GRIN2A: variants seen among roughly 807,000 people sequenced by gnomAD.
The protein encoded by GRIN2A is glutamate receptor ionotropic, NMDA 2A.
In GRIN2A, 22 loss-of-function variants were observed where a neutral mutation model predicts 113.4. The observed-to-expected ratio is 0.19, with a 90% CI of 0.14 to 0.28. GRIN2A has a LOEUF of 0.28. GRIN2A is among the 10% of genes least tolerant of loss of function. GRIN2A has a pLI of 1.00. For missense variants in GRIN2A, 1,502 were observed against 1,887.0 expected (o/e 0.80, Z 3.78); for synonymous variants, 827 against 738.4 (o/e 1.12, Z -1.94).
chr16:10,110,543 C>T (rs1404860466), intron 2 of GRIN2A, among the ~76,000 whole-genome samples: 3 of 152,122 alleles, frequency 2.0e-5, no homozygotes, highest in South Asian at 2.1e-4. Flanking sequence ...GGAGTGATGG[C>T]GCCAGCCAGG....
At chr16:9,865,731 G>A (rs1166012447) in intron 4 of GRIN2A, among the ~76,000 whole-genome samples, 1 of 152,070 alleles carries the variant, frequency 6.6e-6, no homozygotes, top group Non-Finnish European at 1.5e-5. Context: ...TCTCACACTG[G>A]TAACACAGCA....
intron 11 of GRIN2A, among the ~76,000 whole-genome samples, chr16:9,771,706 T>A (rs1901284949): frequency 1.3e-5 from 2 of 152,148 alleles, no homozygotes; most frequent in African/African-American, 4.8e-5. Flanking sequence ...CCCATGGGAC[T>A]CCCAAGAACA....
chr16:10,158,012 A>T (rs2049736484), intron 2 of GRIN2A, among the ~76,000 whole-genome samples: 1 of 151,698 alleles, frequency 6.6e-6, no homozygotes, highest in African/African-American at 2.4e-5. Flanking sequence ...TTATTTATTT[A>T]TTTATTTTTT....
intron 2 of GRIN2A, chr16:10,121,307 C>T (rs1078696): frequency 0.84 from 128,352 of 152,178 alleles, 54,934 homozygotes; most frequent in East Asian, 0.92. Flanking sequence ...CCCCTGGAAA[C>T]ACTGGGGGAA....
At chr16:9,838,122 T>C (rs1281770174) in intron 7 of GRIN2A, among the ~76,000 whole-genome samples, 1 of 152,172 alleles carries the variant, frequency 6.6e-6, no homozygotes, top group Non-Finnish European at 1.5e-5. Context: ...GGCTTGGAGT[T>C]GGTGTCCACA....
At chr16:9,765,924 C>T (rs1358700621) in intron 12 of GRIN2A, among the ~76,000 whole-genome samples, 1 of 152,174 alleles carries the variant, frequency 6.6e-6, no homozygotes, top group East Asian at 1.9e-4. Flanking sequence ...TTCTCATTTT[C>T]TACTCTTTCT....
intron 4 of GRIN2A, among the ~76,000 whole-genome samples, chr16:9,871,861 C>A (rs994474330): frequency 6.6e-5 from 10 of 152,168 alleles, no homozygotes; most frequent in Non-Finnish European, 2.9e-5. Flanking sequence ...CACAGCATGG[C>A]ACAATTGCAC....
At chr16:10,120,285 G>C (rs1327896994) in intron 2 of GRIN2A, among the ~76,000 whole-genome samples, 2 of 152,172 alleles carry the variant, frequency 1.3e-5, no homozygotes, top group Non-Finnish European at 2.9e-5. Flanking sequence ...TTAGTGGGTA[G>C]AGTCCAGGGA....
At chr16:9,841,764 T>C (rs534877630) in intron 5 of GRIN2A, among the ~76,000 whole-genome samples, 1 of 152,302 alleles carries the variant, frequency 6.6e-6, no homozygotes, top group South Asian at 2.1e-4. Context: ...CTATGTGACA[T>C]GTAGTATAAA....
chr16:9,768,040 A>T lies in GRIN2A; in HGVS notation c.2595+811T>A, dbSNP rs191656044. Among the ~76,000 whole-genome samples the T allele has an allele frequency of 1.3e-4, 20 of 151,852 alleles. No homozygotes were observed. In the East Asian group the frequency reaches 2.3e-3, roughly 18 times the overall value. On this transcript the variant is annotated intron_variant, in intron 12 of 12. Transcript: ENST00000330684. ...GCTCTGTCTGGCCCAGTGTTTTTAAATTTTTTTTTATTTTTTGTTTTTATT... is the reference window on the plus strand; with the variant it reads ...GCTCTGTCTGGCCCAGTGTTTTTAATTTTTTTTTTATTTTTTGTTTTTATT...
At chr16:9,801,127 G>A (rs1008021404) in intron 10 of GRIN2A, among the ~76,000 whole-genome samples, 2 of 152,180 alleles carry the variant, frequency 1.3e-5, no homozygotes, top group Non-Finnish European at 2.9e-5. Flanking sequence ...GATTGTGTGA[G>A]CCAACAGTCA....
intron 10 of GRIN2A, among the ~76,000 whole-genome samples, chr16:9,803,106 G>A (rs2041897373): frequency 6.6e-6 from 1 of 152,174 alleles, no homozygotes; most frequent in Non-Finnish European, 1.5e-5. Context: ...TTTTCCCTAT[G>A]AAAAATGGAG....
intron 2 of GRIN2A, among the ~76,000 whole-genome samples, chr16:9,954,750 C>T (rs1168072675): frequency 1.3e-5 from 2 of 152,140 alleles, no homozygotes; most frequent in Non-Finnish European, 2.9e-5. Flanking sequence ...AGCCTTCTGC[C>T]TCTAAATAAA....
chr16:9,991,595 T>C (rs2046113944), intron 2 of GRIN2A, among the ~76,000 whole-genome samples: 1 of 152,128 alleles, frequency 6.6e-6, no homozygotes, highest in Admixed American at 6.6e-5. Context: ...TATGCCACCC[T>C]CTGTGTCCAT....
chr16:9,815,737 T>C (rs1306299796), intron 10 of GRIN2A, among the ~76,000 whole-genome samples: 5 of 152,180 alleles, frequency 3.3e-5, no homozygotes, highest in African/African-American at 1.2e-4. Flanking sequence ...AAAAATAGAA[T>C]TGACATATGA....
At chr16:10,042,795 T>C (rs1052275444) in intron 2 of GRIN2A, among the ~76,000 whole-genome samples, 1 of 152,138 alleles carries the variant, frequency 6.6e-6, no homozygotes, top group Non-Finnish European at 1.5e-5. Flanking sequence ...AAGGGGGCCA[T>C]AGGAAGATAA....
intron 4 of GRIN2A, among the ~76,000 whole-genome samples, chr16:9,884,479 G>C (rs1012457671): frequency 1.3e-5 from 2 of 152,042 alleles, no homozygotes; most frequent in Admixed American, 1.3e-4. Context: ...AACCTGGGAG[G>C]CAGAGGTTGC....
At chr16:10,089,681 A>G (rs2048149185) in intron 2 of GRIN2A, among the ~76,000 whole-genome samples, 1 of 152,224 alleles carries the variant, frequency 6.6e-6, no homozygotes, top group Admixed American at 6.5e-5. Flanking sequence ...ACTGTTAGAC[A>G]TATAAAACCC....
In GRIN2A at chr16:9,852,893, TG is replaced by T. The variant is rs544139839; in HGVS notation, c.1123-2933del. Reference sequence around the variant, plus strand: ...TGAGTGGTTACTAGGTTCCAAGCACTGTGCTAGACACTGAGAATACTGTAAT... The same window carrying T: ...TGAGTGGTTACTAGGTTCCAAGCACTTGCTAGACACTGAGAATACTGTAAT... On this transcript the variant is annotated intron_variant, in intron 4 of 12. Coordinates refer to ENST00000330684, the MANE Select transcript of GRIN2A (RefSeq NM_001134407.3). Among the ~76,000 whole-genome samples the T allele has an allele frequency of 1.1e-4, 16 of 152,352 alleles. No homozygotes were observed. The South Asian group carries it at 3.3e-3, about 32-fold the overall frequency.
Sources: gnomAD v4.1 joint callset for allele counts (sites outside exome capture counted in the v4.1 genomes callset) on GRCh38, gnomAD v4.1.1 for gene constraint, MANE v1.5 for transcripts, NCBI Gene and HGNC (gene_info 2026-07-23, HGNC 2026-07-21) for gene names.